LIN52: variants seen among roughly 807,000 people sequenced by gnomAD.
LIN52 encodes lin-52 DREAM MuvB core complex component.
LIN52 carries 4 observed loss-of-function variants against 18.5 expected under a neutral mutation model. The observed-to-expected ratio is 0.22, with a 90% confidence interval of 0.11 to 0.49. The LOEUF is 0.49. Among genes scored for constraint, LIN52 ranks in the 20% least tolerant of loss-of-function variants. The pLI is 0.97. For synonymous variants in LIN52, 34 were observed against 45.5 expected, an observed-to-expected ratio of 0.75 and a Z score of 1.02; for missense variants, 102 against 139.5, an observed-to-expected ratio of 0.73 and a Z score of 1.35.
intron 5 of LIN52, among the ~76,000 whole-genome samples, chr14:74,105,884 C>A (rs1305503384): frequency 6.6e-6 from 1 of 152,118 alleles, no homozygotes; most frequent in Non-Finnish European, 1.5e-5. Flanking sequence ...ATTATATGAA[C>A]CTTCTAGGGC....
At chr14:74,153,625 A>G (rs1470098265) in intron 5 of LIN52, among the ~76,000 whole-genome samples, 10 of 151,838 alleles carry the variant, frequency 6.6e-5, no homozygotes, top group Non-Finnish European at 1.0e-4. Flanking sequence ...GCTCACTGCA[A>G]CCTACACCCC....
intron 5 of LIN52, among the ~76,000 whole-genome samples, chr14:74,151,048 A>G (rs1404003618): frequency 6.6e-6 from 1 of 152,178 alleles, no homozygotes. Context: ...AAACCTCCTT[A>G]AAATACAATT....
chr14:74,182,991 GT>G (rs1011377722), intron 5 of LIN52, among the ~76,000 whole-genome samples: 23 of 151,950 alleles, frequency 1.5e-4, no homozygotes, highest in African/African-American at 5.6e-4. Context: ...TAAAAAATAT[GT>G]AATCTGTGTT....
intron 5 of LIN52, among the ~76,000 whole-genome samples, chr14:74,105,258 G>A (rs1299830200): frequency 6.6e-6 from 1 of 152,036 alleles, no homozygotes; most frequent in Admixed American, 6.6e-5. Context: ...TGGGGGTGGG[G>A]GTTTGAAGTC....
chr14:74,131,085 C>T (rs2061063809), intron 5 of LIN52, among the ~76,000 whole-genome samples: 1 of 152,078 alleles, frequency 6.6e-6, no homozygotes, highest in South Asian at 2.1e-4. Context: ...CGTCACCCAG[C>T]CCACAAATTA....
rs754370048 is a variant in LIN52 at position 74,101,141 on chromosome 14, T to C, written c.200-14T>C. On this transcript the variant is annotated splice_polypyrimidine_tract_variant and intron_variant, in intron 4 of 5. Coordinates refer to ENST00000555028, the MANE Select transcript of LIN52 (RefSeq NM_001024674.3). ...TGGAAAGAAATGATGTTGAAATAAA[T>C]GATTCTGTTTCAGAACTGGGGAGTC... 4 of 1,605,382 alleles carry C rather than the reference T, an allele frequency of 2.5e-6. No individual in the cohort carries two copies. Among genetic ancestry groups the C allele is most frequent in the South Asian group, 2.2e-5 (2 of 90,162 alleles).
At chr14:74,192,695 A>T in intron 5 of LIN52, 1 of 263,808 alleles carries the variant, frequency 3.8e-6, no homozygotes. Context: ...CTCGTTGTGA[A>T]CAACAGTATA....
intron 5 of LIN52, 92 bp from the exon 6 acceptor site, chr14:74,198,830 A>T: frequency 3.1e-6 from 3 of 967,428 alleles, no homozygotes; most frequent in Non-Finnish European, 3.2e-6. Flanking sequence ...TATATAATTT[A>T]AATCAATCTG....
chr14:74,106,556 A>G (rs1280282886), intron 5 of LIN52, among the ~76,000 whole-genome samples: 1 of 151,526 alleles, frequency 6.6e-6, no homozygotes, highest in Non-Finnish European at 1.5e-5. Context: ...ACAGACATGA[A>G]CCACCATGCC....
rs745590434 is a variant in LIN52 at position 74,114,174 on chromosome 14, TAGTGTG to T, written c.283+12937_283+12942del. 7.4e-6 allele frequency: 6 copies of T among 814,552 alleles called. No homozygotes were observed. In the African/African-American group the frequency reaches 1.2e-4, roughly 16 times the overall value. 50.5% of individuals were successfully genotyped at this position (814,552 alleles called of 1,614,324 possible). Reference sequence around the variant, plus strand: ...AATGCTTTTTTAATATAACTGAGATTAGTGTGTGTGTGTGTGTGTGTGTGTGTGTGT... The same window carrying T: ...AATGCTTTTTTAATATAACTGAGATTTGTGTGTGTGTGTGTGTGTGTGTGT... On this transcript the variant is annotated intron_variant, in intron 5 of 5. Transcript: ENST00000555028.
At chr14:74,171,964 T>C (rs1162570361) in intron 5 of LIN52, among the ~76,000 whole-genome samples, 1 of 152,140 alleles carries the variant, frequency 6.6e-6, no homozygotes, top group African/African-American at 2.4e-5. Flanking sequence ...GATCTCTAAC[T>C]GACCTCAGAT....
intron 5 of LIN52, among the ~76,000 whole-genome samples, chr14:74,170,929 C>G: frequency 6.6e-6 from 1 of 151,314 alleles, no homozygotes; most frequent in Non-Finnish European, 1.5e-5. Flanking sequence ...CACCTGTAAT[C>G]CCACACTTAG....
chr14:74,126,112 C>T (rs2061028808), intron 5 of LIN52, among the ~76,000 whole-genome samples: 1 of 151,372 alleles, frequency 6.6e-6, no homozygotes, highest in Non-Finnish European at 1.5e-5. Context: ...GGCTAACAAG[C>T]ACATGCAAAG....
intron 2 of LIN52, among the ~76,000 whole-genome samples, chr14:74,091,795 A>G (rs1014010009): frequency 2.0e-5 from 3 of 151,406 alleles, no homozygotes; most frequent in African/African-American, 4.9e-5. Context: ...AAAAAAAAAA[A>G]AAGTTCTGAT....
At chr14:74,175,425 T>C (rs909637726) in intron 5 of LIN52, among the ~76,000 whole-genome samples, 1 of 151,598 alleles carries the variant, frequency 6.6e-6, no homozygotes, top group Non-Finnish European at 1.5e-5. Flanking sequence ...TGAGCCATGA[T>C]CAGGCCACCA....
intron 5 of LIN52, among the ~76,000 whole-genome samples, chr14:74,148,374 T>C (rs1166305064): frequency 6.6e-6 from 1 of 152,140 alleles, no homozygotes; most frequent in Non-Finnish European, 1.5e-5. Context: ...GTGTCAAAAA[T>C]ACATAAGCTC....
intron 5 of LIN52, among the ~76,000 whole-genome samples, chr14:74,139,873 G>A (rs2061119864): frequency 6.6e-6 from 1 of 152,144 alleles, no homozygotes; most frequent in African/African-American, 2.4e-5. Flanking sequence ...TTGTTGAATG[G>A]ATGATTGAAT....
intron 5 of LIN52, among the ~76,000 whole-genome samples, chr14:74,142,742 G>T (rs2061136900): frequency 1.3e-5 from 2 of 149,732 alleles, no homozygotes; most frequent in African/African-American, 4.9e-5. Context: ...GTTTTTATGG[G>T]GGCTGTAAAA....
intron 5 of LIN52, among the ~76,000 whole-genome samples, chr14:74,194,389 C>T (rs2078897694): frequency 6.6e-6 from 1 of 152,186 alleles, no homozygotes; most frequent in African/African-American, 2.4e-5. Flanking sequence ...TTATATTAAA[C>T]CACACACCAC....
Sources: gnomAD v4.1 joint callset for allele counts (sites outside exome capture counted in the v4.1 genomes callset) on GRCh38, gnomAD v4.1.1 for gene constraint, MANE v1.5 for transcripts, NCBI Gene and HGNC (gene_info 2026-07-23, HGNC 2026-07-21) for gene names.